The following EBF1 variants were observed in gnomAD, a reference collection of about 807,000 sequenced individuals.
EBF1 encodes the protein EBF transcription factor 1.
A neutral mutation model predicts 68.4 loss-of-function variants in EBF1; 10 were observed. The observed-to-expected ratio is 0.15, with a 90% CI of 0.09 to 0.25. The LOEUF is 0.25. EBF1 is among the 10% of genes least tolerant of loss of function. EBF1 has a pLI of 1.00. For synonymous variants in EBF1, 298 were observed against 299.8 expected (o/e 0.99, Z 0.06); for missense variants, 509 against 794.4 (o/e 0.64, Z 4.32).
In EBF1 at chr5:158,986,686, T is replaced by C. The variant is rs553908138; in HGVS notation, c.554+86710A>G. On this transcript the variant is annotated intron_variant, in intron 6 of 15. Coordinates refer to ENST00000313708, the MANE Select transcript of EBF1 (RefSeq NM_024007.5). Reference sequence around the variant, plus strand: ...TTAGGAAGCTACCCATTTGTGGACTTTTCTCAGTTGTGAGGTTGGGGGAAG... The same window carrying C: ...TTAGGAAGCTACCCATTTGTGGACTCTTCTCAGTTGTGAGGTTGGGGGAAG... Among the ~76,000 whole-genome samples, 147 of 152,334 alleles carry C rather than the reference T, an allele frequency of 9.6e-4. 1 individual carries two copies. The highest frequency in any genetic ancestry group is 3.3e-3 in the African/African-American group (139 of 41,566).
chr5:158,963,887 C>T (rs768419933), intron 6 of EBF1, among the ~76,000 whole-genome samples: 9 of 152,074 alleles, frequency 5.9e-5, no homozygotes, highest in South Asian at 2.1e-4. Context: ...TACTTGGAAA[C>T]AAAAATAGGA....
chr5:158,905,871 C>T (rs1324074263), intron 6 of EBF1, among the ~76,000 whole-genome samples: 1 of 152,126 alleles, frequency 6.6e-6, no homozygotes, highest in African/African-American at 2.4e-5. Flanking sequence ...CCTGGCCCCA[C>T]TTAGTGGGTA....
intron 6 of EBF1, among the ~76,000 whole-genome samples, chr5:159,065,010 A>C: frequency 1.3e-5 from 2 of 148,426 alleles, no homozygotes; most frequent in East Asian, 4.0e-4. Flanking sequence ...TAGTTCTTCA[A>C]ATTAACTTTC....
intron 6 of EBF1, among the ~76,000 whole-genome samples, chr5:158,871,610 CT>C (rs1430621959): frequency 6.6e-6 from 1 of 152,194 alleles, no homozygotes; most frequent in African/African-American, 2.4e-5. Context: ...ATAAAACCCC[CT>C]GGCCAAGGAT....
Position 158,696,209 on chromosome 5 carries a change from CTTAAT to C in EBF1, c.*2897_*2901del, listed in dbSNP as rs1029739305. The C allele has an allele frequency of 2.3e-5, 5 of 217,764 alleles. No individual in the cohort carries two copies. The highest frequency in any genetic ancestry group is 3.7e-5 in the Non-Finnish European group (4 of 108,370). The allele number at this position is 217,764 out of a possible 1,614,324, so 13.5% of individuals were successfully genotyped here. ...GTATTTTTTCCCCCAACACTGAAAT[CTTAAT>C]TTAATTCTTCATTTCATTTTCTTCT... On this transcript the variant is annotated 3_prime_UTR_variant, in exon 16 of 16. Coordinates refer to ENST00000313708, the MANE Select transcript of EBF1 (RefSeq NM_024007.5).
chr5:158,845,588 T>C (rs907136988), intron 6 of EBF1, among the ~76,000 whole-genome samples: 1 of 152,088 alleles, frequency 6.6e-6, no homozygotes, highest in African/African-American at 2.4e-5. Context: ...CTCAGAGATG[T>C]TGAGATTTTC....
chr5:159,095,370 A>G (rs1406319987), intron 4 of EBF1, among the ~76,000 whole-genome samples: 2 of 152,194 alleles, frequency 1.3e-5, no homozygotes, highest in African/African-American at 4.8e-5. Context: ...CTCGCCACTC[A>G]GCACCCTGCA....
At chr5:158,846,644 A>G (rs568375091) in intron 6 of EBF1, among the ~76,000 whole-genome samples, 1 of 152,304 alleles carries the variant, frequency 6.6e-6, no homozygotes, top group East Asian at 1.9e-4. Context: ...TCTATTTTCA[A>G]TGTCAAAGAA....
chr5:158,777,640 A>C, intron 9 of EBF1, 101 bp from the exon 10 acceptor site: 1 of 1,242,846 alleles, frequency 8.0e-7, no homozygotes, highest in South Asian at 1.9e-5. Flanking sequence ...ACACATAATT[A>C]ACCTGTCTAT....
At chr5:158,750,068 A>G (rs1768462394) in intron 10 of EBF1, among the ~76,000 whole-genome samples, 2 of 152,164 alleles carry the variant, frequency 1.3e-5, no homozygotes, top group African/African-American at 4.8e-5. Flanking sequence ...TCTGTCAAAA[A>G]TTGTTTTATG....
intron 6 of EBF1, among the ~76,000 whole-genome samples, chr5:158,930,436 G>C (rs922477655): frequency 6.6e-6 from 1 of 152,208 alleles, no homozygotes; most frequent in African/African-American, 2.4e-5. Flanking sequence ...TCATGCGGCA[G>C]GTTCTGCGCC....
intron 9 of EBF1, among the ~76,000 whole-genome samples, chr5:158,794,858 C>T (rs1015546966): frequency 6.6e-6 from 1 of 152,178 alleles, no homozygotes; most frequent in African/African-American, 2.4e-5. Flanking sequence ...ATAGTTTCAA[C>T]AAAACATAGA....
At chr5:158,790,472 A>G (rs1460720629) in intron 9 of EBF1, among the ~76,000 whole-genome samples, 1 of 152,052 alleles carries the variant, frequency 6.6e-6, no homozygotes, top group East Asian at 1.9e-4. Flanking sequence ...GCCATCACCA[A>G]TATATCTCCC....
At chr5:158,869,800 A>G (rs1416933579) in intron 6 of EBF1, among the ~76,000 whole-genome samples, 1 of 152,142 alleles carries the variant, frequency 6.6e-6, no homozygotes, top group African/African-American at 2.4e-5. Context: ...TTTCATGAAG[A>G]TAATTGGAGA....
chr5:158,825,644 C>T (rs538374558), intron 7 of EBF1, among the ~76,000 whole-genome samples: 2 of 152,150 alleles, frequency 1.3e-5, no homozygotes, highest in South Asian at 4.2e-4. Flanking sequence ...AAAAAAACTA[C>T]ACCCCATATG....
At chr5:158,748,870 C>T (rs1247690175) in intron 10 of EBF1, among the ~76,000 whole-genome samples, 1 of 152,094 alleles carries the variant, frequency 6.6e-6, no homozygotes. Context: ...TAGAGCCTGG[C>T]AGATGTAAAA....
rs137859056 is a variant in EBF1, at chr5:158,946,639, T to A, written c.555-106529A>T. ...GTCTGTCGACCACTGCTGGGAGGTG[T>A]CTCTCCATCAGGAGGCATGGGGGTC... On this transcript the variant is annotated intron_variant, in intron 6 of 15. Coordinates refer to ENST00000313708, the MANE Select transcript of EBF1 (RefSeq NM_024007.5). 5.4e-3 allele frequency among the ~76,000 whole-genome samples: 826 copies of A among 152,278 alleles called. 11 individuals are homozygous for A. Among genetic ancestry groups the A allele is most frequent in the African/African-American group, 0.019 (786 of 41,560 alleles).
intron 6 of EBF1, among the ~76,000 whole-genome samples, chr5:159,058,835 C>G (rs938580654): frequency 6.6e-6 from 1 of 152,198 alleles, no homozygotes; most frequent in Non-Finnish European, 1.5e-5. Flanking sequence ...CCACTACCAA[C>G]AGATTCCATA....
intron 6 of EBF1, among the ~76,000 whole-genome samples, chr5:158,915,071 T>A (rs1230342524): frequency 6.6e-6 from 1 of 152,208 alleles, no homozygotes; most frequent in African/African-American, 2.4e-5. Flanking sequence ...ACTGGACTGC[T>A]AGGCTATGAG....
Sources: allele counts gnomAD v4.1 joint callset (sites outside exome capture counted in the v4.1 genomes callset), GRCh38; gene constraint gnomAD v4.1.1; transcripts MANE v1.5; gene names NCBI Gene and HGNC (gene_info 2026-07-23, HGNC 2026-07-21).